ZNF567: variants seen among roughly 807,000 people sequenced by gnomAD.
ZNF567 encodes the protein zinc finger protein 567.
Under a neutral mutation model 53.9 loss-of-function variants are expected in ZNF567, and 36 were observed. That is an observed-to-expected ratio of 0.67 (90% CI 0.51 to 0.88). The LOEUF is 0.88. Among genes scored for constraint, ZNF567 ranks in the 40% least tolerant of loss-of-function variants. The probability of loss-of-function intolerance (pLI) is 0.00; values close to 1 mark genes in which losing one functional copy is unlikely to be tolerated. For synonymous variants in ZNF567, 224 were observed against 260.4 expected (o/e 0.86, Z 1.35); for missense variants, 619 against 764.7 (o/e 0.81, Z 2.25).
chr19:36,709,528 C>T (rs1340343076), intron 3 of ZNF567, among the ~76,000 whole-genome samples: 1 of 151,716 alleles, frequency 6.6e-6, no homozygotes, highest in Non-Finnish European at 1.5e-5. Flanking sequence ...AGAGATCTCA[C>T]TTTGTTGCCC....
Position 36,719,790 on chromosome 19 carries a change from C to G in ZNF567, c.1066C>G (p.Gln356Glu). The G allele has an allele frequency of 1.2e-6, 2 of 1,614,162 alleles. No individual in the cohort carries two copies. Among genetic ancestry groups the G allele is most frequent in the African/African-American group, 1.3e-5 (1 of 75,044 alleles). The change falls in exon 6 of 6, where the codon CAG becomes GAG. Residue 356 changes from glutamine (Q) to glutamate (E), a missense_variant. Physicochemically the swap from Gln to Glu is conservative, Grantham distance 29. Transcript: ENST00000682579. Reference sequence around the variant, plus strand: ...ATTGAAGTCACACCTCATTCGTCATCAGAGAACTCACACGGGAGAGAAACC... The same window carrying G: ...ATTGAAGTCACACCTCATTCGTCATGAGAGAACTCACACGGGAGAGAAACC... ...FRLKSHLIRH[Q>E]RTHTGEKPYE...
At chr19:36,679,442 C>T in the ZNF567 span, among the ~76,000 whole-genome samples, 1 of 152,136 alleles carries the variant, frequency 6.6e-6, no homozygotes, top group Non-Finnish European at 1.5e-5. Context: ...CAGTGTAGAG[C>T]TTCCTCAAAA....
At chr19:36,697,498 C>T (rs561596494) in intron 3 of ZNF567, among the ~76,000 whole-genome samples, 11 of 152,026 alleles carry the variant, frequency 7.2e-5, no homozygotes, top group Non-Finnish European at 1.3e-4. Flanking sequence ...ACCTTCAGTA[C>T]AATGTTGAGT....
intron 5 of ZNF567, among the ~76,000 whole-genome samples, chr19:36,715,797 G>A (rs980427970): frequency 3.3e-5 from 5 of 150,212 alleles, no homozygotes; most frequent in Admixed American, 6.6e-5. Flanking sequence ...CCAAAGTGCT[G>A]GGATTACAGG....
At chr19:36,714,298 A>C in intron 5 of ZNF567, 3 of 325,310 alleles carry the variant, frequency 9.2e-6, no homozygotes, top group Admixed American at 4.9e-5. Context: ...AGTAGCTGGG[A>C]TTACAGGTGC....
rs1251794403 is a variant in ZNF567, at chr19:36,712,467, T to C, written c.91T>C (p.Tyr31His). ...CCTGGATCATGCTCAGAAGACTCTA[T>C]ATATGGATGTGATGTTGGAAAACTA... ...QHLDHAQKTL[Y>H]MDVMLENYCH... Residue 31 changes from tyrosine to histidine, a missense_variant, in exon 4 of 6, where the codon TAT becomes CAT. Transcript: ENST00000682579. 6.2e-7 allele frequency: 1 copy of C among 1,614,112 alleles called. No individual in the cohort carries two copies. The highest frequency in any genetic ancestry group is 8.5e-7 in the Non-Finnish European group (1 of 1,179,988).
chr19:36,670,995 G>A, the ZNF567 span, among the ~76,000 whole-genome samples: 10 of 152,146 alleles, frequency 6.6e-5, no homozygotes, highest in Non-Finnish European at 1.3e-4. Flanking sequence ...CCAGCTACTC[G>A]GGAGGCTGAG....
intron 3 of ZNF567, among the ~76,000 whole-genome samples, chr19:36,702,597 C>T (rs1194512944): frequency 1.3e-5 from 2 of 152,126 alleles, no homozygotes; most frequent in African/African-American, 4.8e-5. Flanking sequence ...CAAATAGTCC[C>T]ATATTTCTTG....
At chr19:36,695,958 G>A (rs192121797) in intron 3 of ZNF567, among the ~76,000 whole-genome samples, 18 of 152,268 alleles carry the variant, frequency 1.2e-4, no homozygotes, top group Middle Eastern at 3.4e-3. Context: ...GGATGGAAAC[G>A]TGATTGGCAA....
intron 2 of ZNF567, among the ~76,000 whole-genome samples, chr19:36,690,205 A>G (rs1038248125): frequency 3.9e-5 from 6 of 152,208 alleles, no homozygotes; most frequent in Non-Finnish European, 7.3e-5. Flanking sequence ...AAGTATGGGG[A>G]AAAAGACTTA....
chr19:36,674,750 C>T, the ZNF567 span, among the ~76,000 whole-genome samples: 1 of 151,818 alleles, frequency 6.6e-6, no homozygotes, highest in Non-Finnish European at 1.5e-5. Flanking sequence ...AATCTAAAGA[C>T]TTCTTAAAGC....
chr19:36,698,174 G>A (rs1479451222), intron 3 of ZNF567, among the ~76,000 whole-genome samples: 2 of 152,036 alleles, frequency 1.3e-5, no homozygotes, highest in African/African-American at 4.8e-5. Context: ...AACATGCGGT[G>A]TTTGATTTTT....
intron 3 of ZNF567, among the ~76,000 whole-genome samples, chr19:36,703,254 G>A (rs148737301): frequency 0.021 from 3,137 of 152,230 alleles, 48 homozygotes; most frequent in Middle Eastern, 0.058. Flanking sequence ...TTCGTGATCC[G>A]CAAATGCTGC....
chr19:36,677,893 T>C, the ZNF567 span, among the ~76,000 whole-genome samples: 1 of 152,346 alleles, frequency 6.6e-6, no homozygotes, highest in Non-Finnish European at 1.5e-5. Flanking sequence ...CTGACATTTT[T>C]ATAGCTGCAA....
At chr19:36,678,567 G>T in the ZNF567 span, among the ~76,000 whole-genome samples, 3,254 of 152,182 alleles carry the variant, frequency 0.021, 50 homozygotes, top group Middle Eastern at 0.054. Flanking sequence ...ATAACTGGCC[G>T]GGTGCGGTGG....
chr19:36,681,454 A>G, the ZNF567 span, among the ~76,000 whole-genome samples: 2 of 151,968 alleles, frequency 1.3e-5, no homozygotes, highest in Non-Finnish European at 2.9e-5. Flanking sequence ...CTTTGAGACA[A>G]GGTCTCACGC....
rs2040212295 is a variant in ZNF567, at chr19:36,719,457, A to C, written c.733A>C (p.Arg245=). Residue 245 remains arginine (R), a synonymous_variant, in exon 6 of 6, where the codon AGA becomes CGA. Coordinates refer to ENST00000682579, the MANE Select transcript of ZNF567 (RefSeq NM_001322917.1). ...CCCATCTGTATATAATAAAAAAAGA[A>C]GAGCAACCAATATTGAAAAAAAACA... ...ENPSVYNKKR[R]ATNIEKKHTC... 2.5e-6 allele frequency: 4 copies of C among 1,610,776 alleles called. No individual in the cohort carries two copies. The highest frequency in any genetic ancestry group is 1.3e-5 in the African/African-American group (1 of 74,662).
chr19:36,726,449 G>A (rs945945910), downstream of ZNF567, among the ~76,000 whole-genome samples: 2 of 152,152 alleles, frequency 1.3e-5, no homozygotes, highest in African/African-American at 4.8e-5. Flanking sequence ...TGCCACATAG[G>A]GGGTGAGAAT....
At chr19:36,713,842 G>A (rs533685003) in intron 5 of ZNF567, among the ~76,000 whole-genome samples, 36 of 152,272 alleles carry the variant, frequency 2.4e-4, no homozygotes, top group Admixed American at 5.2e-4. Context: ...GGCTGAGGCC[G>A]GAGAATCGCT....
Sources: allele counts gnomAD v4.1 joint callset (sites outside exome capture counted in the v4.1 genomes callset), GRCh38; gene constraint gnomAD v4.1.1; transcripts MANE v1.5; gene names NCBI Gene and HGNC (gene_info 2026-07-23, HGNC 2026-07-21).